Variants in MAN2A1 observed in about 807,000 individuals in gnomAD.
The protein encoded by MAN2A1 is alpha-mannosidase 2.
Under a neutral mutation model 142.6 loss-of-function variants are expected in MAN2A1, and 76 were observed. The ratio of observed to expected loss-of-function variants is 0.53; its 90% CI spans 0.44 to 0.65. The LOEUF is 0.65. MAN2A1 is among the 30% of genes least tolerant of loss of function. MAN2A1 has a pLI of 0.00. For missense variants in MAN2A1, 1,311 were observed against 1,365.1 expected (o/e 0.96, Z 0.62); for synonymous variants, 559 against 473.2 (o/e 1.18, Z -2.35).
At chr5:109,747,607 A>G (rs1752441493) in intron 4 of MAN2A1, among the ~76,000 whole-genome samples, 1 of 152,184 alleles carries the variant, frequency 6.6e-6, no homozygotes, top group African/African-American at 2.4e-5. Flanking sequence ...GGGTGGGTAC[A>G]GCAGTTTCAT....
At chr5:109,827,698 T>G (rs1754792946) in intron 16 of MAN2A1, among the ~76,000 whole-genome samples, 1 of 152,218 alleles carries the variant, frequency 6.6e-6, no homozygotes, top group African/African-American at 2.4e-5. Flanking sequence ...TCTGTTTTCC[T>G]TTTCATTATC....
intron 12 of MAN2A1, among the ~76,000 whole-genome samples, chr5:109,793,762 A>G (rs1428495263): frequency 6.6e-6 from 1 of 152,200 alleles, no homozygotes; most frequent in African/African-American, 2.4e-5. Context: ...AAGATTGGAT[A>G]TTGGGTGAAT....
intron 12 of MAN2A1, among the ~76,000 whole-genome samples, chr5:109,816,919 A>G (rs1447729110): frequency 6.6e-6 from 1 of 152,136 alleles, no homozygotes; most frequent in Non-Finnish European, 1.5e-5. Flanking sequence ...TGTTCTCTGA[A>G]AGTTCTCACA....
chr5:109,836,986 C>G lies in MAN2A1; in HGVS notation c.2567-5342C>G, dbSNP rs145371419. The stretch of plus-strand genomic sequence containing the variant: ...TCTGATGTTTCTCTGCCAAGAGAGA[C>G]AGTTACCTCATTCTTCTCATTTGTG... On this transcript the variant is annotated intron_variant, in intron 16 of 21. Transcript: ENST00000261483. Among the ~76,000 whole-genome samples the G allele has an allele frequency of 1.7e-3, 265 of 151,670 alleles. 1 individual carries two copies. The highest frequency in any genetic ancestry group is 6.2e-3 in the African/African-American group (256 of 41,292).
At chr5:109,853,619 GA>G (rs1252752190) in intron 19 of MAN2A1, 3 of 152,148 alleles carry the variant, frequency 2.0e-5, no homozygotes, top group African/African-American at 7.2e-5. Context: ...ATACTTCCCA[GA>G]TTTGATGAGG....
At chr5:109,805,400 C>T (rs1026029387) in intron 12 of MAN2A1, among the ~76,000 whole-genome samples, 3 of 152,090 alleles carry the variant, frequency 2.0e-5, no homozygotes, top group African/African-American at 7.2e-5. Flanking sequence ...CTTAGAAATG[C>T]TTTTTGCATT....
intron 1 of MAN2A1, among the ~76,000 whole-genome samples, chr5:109,706,145 T>C (rs1472395305): frequency 6.6e-6 from 1 of 152,164 alleles, no homozygotes; most frequent in African/African-American, 2.4e-5. Flanking sequence ...AACAACCCTA[T>C]GAGTTAGGTA....
At position 109,781,615 on chromosome 5, in the gene MAN2A1, A is replaced by G. The variant is rs769543785; in HGVS notation, c.1577+17A>G. ...TCATTTAAGGTACTTTTACCTTTCT[A>G]TAGCTACATGTATTTTTTCACTTTA... On this transcript the variant is annotated intron_variant, in intron 9 of 21. Coordinates refer to ENST00000261483, the MANE Select transcript of MAN2A1 (RefSeq NM_002372.4). The G allele has an allele frequency of 2.6e-6, 4 of 1,510,186 alleles. No homozygotes were observed. Among genetic ancestry groups the G allele is most frequent in the Admixed American group, 4.3e-5 (2 of 46,674 alleles). 93.5% of individuals were successfully genotyped at this position (1,510,186 alleles called of 1,614,324 possible). A position where few individuals can be genotyped will look rare whatever the true frequency, so the allele number is the denominator to read the frequency against.
intron 5 of MAN2A1, 113 bp downstream of exon 5, chr5:109,755,569 T>C: frequency 7.8e-6 from 6 of 770,172 alleles, no homozygotes; most frequent in Non-Finnish European, 1.0e-5. Context: ...GTCATTATTG[T>C]TGAATAATTT....
At chr5:109,782,358 G>A (rs1156296940) in intron 9 of MAN2A1, among the ~76,000 whole-genome samples, 1 of 152,142 alleles carries the variant, frequency 6.6e-6, no homozygotes, top group East Asian at 1.9e-4. Flanking sequence ...TGACTATTGA[G>A]CACTTGAAAT....
intron 3 of MAN2A1, among the ~76,000 whole-genome samples, chr5:109,728,055 G>A (rs1014405711): frequency 3.9e-5 from 6 of 152,156 alleles, no homozygotes; most frequent in African/African-American, 1.4e-4. Context: ...AAGACTATTT[G>A]ACATTATATT....
rs1308539693 is a variant in MAN2A1, at chr5:109,867,067, G to A, written c.*69G>A. ...CTTTCTTGGTTTGACGTGCAATAAAGAAGCACATTATTTTAGCTTCTGGCT... is the reference window on the plus strand; with the variant it reads ...CTTTCTTGGTTTGACGTGCAATAAAAAAGCACATTATTTTAGCTTCTGGCT... On this transcript the variant is annotated 3_prime_UTR_variant, in exon 22 of 22. Transcript: ENST00000261483. 3.3e-6 allele frequency: 4 copies of A among 1,217,982 alleles called. No individual in the cohort carries two copies. The Admixed American group carries it at 9.5e-5, about 29-fold the overall frequency. The allele number at this position is 1,217,982 out of a possible 1,614,324, so 75.4% of individuals were successfully genotyped here.
At chr5:109,774,274 A>G (rs980815480) in intron 7 of MAN2A1, among the ~76,000 whole-genome samples, 7 of 152,126 alleles carry the variant, frequency 4.6e-5, no homozygotes, top group Non-Finnish European at 8.8e-5. Flanking sequence ...ACAGATTAAC[A>G]TTTATTCCCT....
intron 12 of MAN2A1, among the ~76,000 whole-genome samples, chr5:109,789,760 T>A (rs550876116): frequency 2.6e-5 from 4 of 151,942 alleles, no homozygotes; most frequent in Non-Finnish European, 4.4e-5. Context: ...CTCACAGATA[T>A]AAGGTATAGC....
At chr5:109,697,596 A>G (rs1750850689) in intron 1 of MAN2A1, among the ~76,000 whole-genome samples, 1 of 152,228 alleles carries the variant, frequency 6.6e-6, no homozygotes, top group Admixed American at 6.5e-5. Context: ...GTTTCATGAC[A>G]TAGCCATGGT....
chr5:109,731,206 T>C (rs1423215381), intron 4 of MAN2A1, among the ~76,000 whole-genome samples: 1 of 151,988 alleles, frequency 6.6e-6, no homozygotes, highest in South Asian at 2.1e-4. Context: ...TATCATTTTC[T>C]TGTCTTAGGA....
At chr5:109,731,383 T>G (rs1391606891) in intron 4 of MAN2A1, among the ~76,000 whole-genome samples, 1 of 151,790 alleles carries the variant, frequency 6.6e-6, no homozygotes, top group Non-Finnish European at 1.5e-5. Context: ...TATTATACTT[T>G]AAGTTTTAGG....
At position 109,780,546 on chromosome 5, in the gene MAN2A1, G is replaced by GTGTGTGTGTGTA. The variant is rs1554078300; in HGVS notation, c.1375-847_1375-846insGTGTGTGTATGT. ...TGTGTGTGTGTGTGTGTGTGTGTGT[G>GTGTGTGTGTGTA]TGTATGTGTGTAGGAAACAACAAAA... On this transcript the variant is annotated intron_variant, in intron 8 of 21. Coordinates refer to ENST00000261483, the MANE Select transcript of MAN2A1 (RefSeq NM_002372.4). Among the ~76,000 whole-genome samples the GTGTGTGTGTGTA allele has an allele frequency of 1.3e-5, 2 of 149,292 alleles. 1 individual carries two copies. Among genetic ancestry groups the GTGTGTGTGTGTA allele is most frequent in the African/African-American group, 5.0e-5 (2 of 39,910 alleles).
At chr5:109,768,546 C>G (rs564479802) in intron 6 of MAN2A1, among the ~76,000 whole-genome samples, 56 of 152,270 alleles carry the variant, frequency 3.7e-4, no homozygotes, top group African/African-American at 1.3e-3. Context: ...TCATTGTGTT[C>G]TCAGTAAACT....
Sources: allele counts gnomAD v4.1 joint callset (sites outside exome capture counted in the v4.1 genomes callset), GRCh38; gene constraint gnomAD v4.1.1; transcripts MANE v1.5; gene names NCBI Gene and HGNC (gene_info 2026-07-23, HGNC 2026-07-21).